ASTN2: variants seen among roughly 807,000 people sequenced by gnomAD.
ASTN2 encodes astrotactin 2.
ASTN2 carries 54 observed loss-of-function variants against 139.8 expected under a neutral mutation model. The observed-to-expected ratio is 0.39, with a 90% CI of 0.31 to 0.48. The LOEUF (loss-of-function observed/expected upper bound fraction) is 0.48, where lower values mean the gene tolerates loss of function less well. ASTN2 is among the 20% of genes least tolerant of loss of function. The pLI is 0.95. For missense variants in ASTN2, 1,565 were observed against 1,725.1 expected (o/e 0.91, Z 1.64); for synonymous variants, 756 against 719.5 (o/e 1.05, Z -0.81).
intron 11 of ASTN2, among the ~76,000 whole-genome samples, chr9:116,847,018 A>AAC (rs1832453212): frequency 6.8e-6 from 1 of 146,166 alleles, no homozygotes; most frequent in Non-Finnish European, 1.5e-5. Context: ...AAAAAAAAAA[A>AAC]AAAAAAAACA....
At chr9:116,632,205 A>AAAAAGAAAGAAAG (rs1554723307) in intron 17 of ASTN2, among the ~76,000 whole-genome samples, 1,519 of 45,308 alleles carry the variant, frequency 0.034, 69 homozygotes, top group South Asian at 0.11. Flanking sequence ...AGAAAGAAAG[A>AAAAAGAAAGAAAG]AAAGAAAGAA....
At chr9:117,101,439 C>T (rs1172845865) in intron 4 of ASTN2, among the ~76,000 whole-genome samples, 1 of 152,198 alleles carries the variant, frequency 6.6e-6, no homozygotes, top group South Asian at 2.1e-4. Context: ...TAGAGACTGG[C>T]AAGAAAAAAG....
chr9:117,341,831 T>G (rs909066376), intron 1 of ASTN2, among the ~76,000 whole-genome samples: 1 of 152,220 alleles, frequency 6.6e-6, no homozygotes, highest in African/African-American at 2.4e-5. Flanking sequence ...CTGCCTTGTT[T>G]CTGCAAAATA....
At chr9:117,050,947 CT>C (rs1207120369) in intron 5 of ASTN2, among the ~76,000 whole-genome samples, 1 of 152,148 alleles carries the variant, frequency 6.6e-6, no homozygotes, top group Non-Finnish European at 1.5e-5. Context: ...GTCCTTTCTA[CT>C]TTTCCAACAT....
At chr9:117,101,649 T>G (rs1828981536) in intron 4 of ASTN2, among the ~76,000 whole-genome samples, 1 of 152,086 alleles carries the variant, frequency 6.6e-6, no homozygotes, top group Non-Finnish European at 1.5e-5. Flanking sequence ...GATGTAGGAG[T>G]TAATCCCATT....
intron 5 of ASTN2, among the ~76,000 whole-genome samples, chr9:117,074,525 T>G (rs1307012956): frequency 6.6e-6 from 1 of 152,144 alleles, no homozygotes; most frequent in Non-Finnish European, 1.5e-5. Context: ...AGGGTGTGTT[T>G]GTGGAAGTGT....
intron 10 of ASTN2, among the ~76,000 whole-genome samples, chr9:116,917,894 T>A (rs1483510957): frequency 6.6e-6 from 1 of 152,124 alleles, no homozygotes; most frequent in Non-Finnish European, 1.5e-5. Flanking sequence ...ACCACCTAAA[T>A]CTGAACTTGA....
intron 11 of ASTN2, among the ~76,000 whole-genome samples, chr9:116,834,921 T>A (rs1381074398): frequency 1.3e-5 from 2 of 152,158 alleles, no homozygotes; most frequent in Non-Finnish European, 2.9e-5. Flanking sequence ...TTGTGGTAAG[T>A]GCCTGTAGTC....
In ASTN2 at chr9:117,186,060, A is replaced by C. The variant is rs966235159; in HGVS notation, c.1015+28298T>G. 3.9e-5 allele frequency among the ~76,000 whole-genome samples: 6 copies of C among 152,198 alleles called. No individual in the cohort carries two copies. In the East Asian group the frequency reaches 1.2e-3, roughly 29 times the overall value. Reference sequence around the variant, plus strand: ...GACCTAGCTTCAAATCCTGGGTCTAATACAAACCAGGTACATGACCCTGAG... The same window carrying C: ...GACCTAGCTTCAAATCCTGGGTCTACTACAAACCAGGTACATGACCCTGAG... On this transcript the variant is annotated intron_variant, in intron 3 of 22. Transcript: ENST00000313400.
chr9:116,612,064 CT>C lies in ASTN2; in HGVS notation c.3355+6259del, dbSNP rs755079708. 2.6e-5 allele frequency: 4 copies of C among 152,138 alleles called. No individual in the cohort carries two copies. In the East Asian group the frequency reaches 7.7e-4, roughly 29 times the overall value. 9.4% of individuals were successfully genotyped at this position (152,138 alleles called of 1,614,324 possible). On this transcript the variant is annotated intron_variant, in intron 19 of 22. Coordinates refer to ENST00000313400, the MANE Select transcript of ASTN2 (RefSeq NM_001365068.1). Reference sequence around the variant, plus strand: ...ATATTAACAAATTTAGAGAGATAAACTATACAATCATTTTAATAGACACAGA... The same window carrying C: ...ATATTAACAAATTTAGAGAGATAAACATACAATCATTTTAATAGACACAGA...
chr9:116,650,641 T>G (rs1411875895), intron 17 of ASTN2, among the ~76,000 whole-genome samples: 1 of 152,188 alleles, frequency 6.6e-6, no homozygotes, highest in East Asian at 1.9e-4. Flanking sequence ...ATGCAAGTAT[T>G]GTACTGAGGT....
chr9:116,991,160 AC>A (rs1836841732), intron 7 of ASTN2, among the ~76,000 whole-genome samples: 1 of 29,100 alleles, frequency 3.4e-5, no homozygotes, highest in Admixed American at 1.3e-3. Flanking sequence ...AGGTGGGGAC[AC>A]ACACACACAC....
chr9:117,354,199 T>C (rs1829471816), intron 1 of ASTN2, among the ~76,000 whole-genome samples: 1 of 152,108 alleles, frequency 6.6e-6, no homozygotes, highest in African/African-American at 2.4e-5. Flanking sequence ...TTAATCTTTC[T>C]ATAAGCCTAA....
intron 2 of ASTN2, among the ~76,000 whole-genome samples, chr9:117,221,815 T>C (rs1832529823): frequency 6.7e-6 from 1 of 150,354 alleles, no homozygotes; most frequent in Admixed American, 6.7e-5. Flanking sequence ...GGAAGAATTA[T>C]TAGAAAATAG....
At chr9:117,225,644 G>C (rs1284779972) in intron 2 of ASTN2, among the ~76,000 whole-genome samples, 7 of 146,452 alleles carry the variant, frequency 4.8e-5, no homozygotes, top group Non-Finnish European at 9.0e-5. Context: ...CCCAGGGTAA[G>C]GTCATACCTG....
At chr9:117,372,746 G>A (rs1487088756) in intron 1 of ASTN2, among the ~76,000 whole-genome samples, 1 of 151,934 alleles carries the variant, frequency 6.6e-6, no homozygotes, top group Non-Finnish European at 1.5e-5. Flanking sequence ...GCTAATCTGT[G>A]CACCAAACCC....
chr9:116,737,139 G>C lies in ASTN2; in HGVS notation c.2397-3616C>G, dbSNP rs1574524. Reference sequence around the variant, plus strand: ...TGGCAGGTAGGCGGAGATGAAGCCCGAATGAACAGCCCAGCGACGGCATGG... The same window carrying C: ...TGGCAGGTAGGCGGAGATGAAGCCCCAATGAACAGCCCAGCGACGGCATGG... On this transcript the variant is annotated intron_variant, in intron 13 of 22. Coordinates refer to ENST00000313400, the MANE Select transcript of ASTN2 (RefSeq NM_001365068.1). Among the ~76,000 whole-genome samples the C allele has an allele frequency of 6.8e-3, 1,039 of 152,372 alleles. 9 individuals carry two copies. Among genetic ancestry groups the C allele is most frequent in the Non-Finnish European group, 0.012 (801 of 68,028 alleles).
intron 1 of ASTN2, among the ~76,000 whole-genome samples, chr9:117,351,954 A>G (rs1479976543): frequency 6.6e-6 from 1 of 152,178 alleles, no homozygotes; most frequent in Non-Finnish European, 1.5e-5. Context: ...CTCATCGTCT[A>G]AGCCCCTGGG....
chr9:116,839,847 T>TAA, intron 11 of ASTN2, among the ~76,000 whole-genome samples: 2 of 135,652 alleles, frequency 1.5e-5, no homozygotes, highest in East Asian at 2.2e-4. Context: ...ATTTTTTTAT[T>TAA]TTATTTTATT....
Sources: gnomAD v4.1 joint callset for allele counts (sites outside exome capture counted in the v4.1 genomes callset) on GRCh38, gnomAD v4.1.1 for gene constraint, MANE v1.5 for transcripts, NCBI Gene and HGNC (gene_info 2026-07-23, HGNC 2026-07-21) for gene names.